The following FGF14 variants were observed in gnomAD, a reference collection of about 807,000 sequenced individuals.
The protein encoded by FGF14 is fibroblast growth factor 14, also known as fibroblast growth factor homologous factor 4.
In FGF14, 5 loss-of-function variants were observed where a neutral mutation model predicts 25.5. The observed-to-expected ratio is 0.20, with a 90% CI of 0.10 to 0.41. FGF14 has a LOEUF of 0.41. Among genes scored for constraint, FGF14 ranks in the 10% least tolerant of loss-of-function variants. The pLI, the probability that FGF14 is intolerant of heterozygous loss-of-function variation, is 1.00. For synonymous variants in FGF14, 138 were observed against 118.3 expected, an observed-to-expected ratio of 1.17 and a Z score of -1.08; for missense variants, 222 against 320.1, an observed-to-expected ratio of 0.69 and a Z score of 2.34.
At chr13:101,835,703 T>C (rs1041127530) in intron 3 of FGF14, among the ~76,000 whole-genome samples, 14 of 151,938 alleles carry the variant, frequency 9.2e-5, no homozygotes, top group Non-Finnish European at 1.5e-5. Flanking sequence ...GTGGAGACAC[T>C]GGCAAGATGG....
chr13:102,329,851 T>G (rs1394416058), intron 1 of FGF14, among the ~76,000 whole-genome samples: 1 of 152,134 alleles, frequency 6.6e-6, no homozygotes, highest in East Asian at 1.9e-4. Context: ...CCCCACCTTA[T>G]GCCCTCACTT....
chr13:101,870,023 C>A (rs1003491505), intron 2 of FGF14, among the ~76,000 whole-genome samples: 1 of 152,072 alleles, frequency 6.6e-6, no homozygotes, highest in Admixed American at 6.6e-5. Context: ...AAACCTCAGG[C>A]CAGAGCCATG....
intron 1 of FGF14, among the ~76,000 whole-genome samples, chr13:102,022,754 C>T (rs2040724344): frequency 6.6e-6 from 1 of 151,990 alleles, no homozygotes; most frequent in Non-Finnish European, 1.5e-5. Flanking sequence ...CCATTTTAAA[C>T]TATAAAAAAG....
Position 102,334,596 on chromosome 13 carries a change from T to TA in FGF14, c.208+66874dup, listed in dbSNP as rs927488644. Among the ~76,000 whole-genome samples the TA allele has an allele frequency of 5.1e-4, 77 of 152,330 alleles. 1 individual carries two copies. The highest frequency in any genetic ancestry group is 1.8e-3 in the African/African-American group (74 of 41,588). On this transcript the variant is annotated intron_variant, in intron 1 of 4. Coordinates refer to the FGF14 transcript ENST00000376131. ...CATTGCACCAAGATTTATGATCTAT[T>TA]ACAAAGAAATGCCAATCACTACAGA...
At chr13:102,176,117 C>T (rs768145072) in intron 1 of FGF14, among the ~76,000 whole-genome samples, 5 of 152,050 alleles carry the variant, frequency 3.3e-5, no homozygotes, top group Non-Finnish European at 7.4e-5. Flanking sequence ...CATGTGCACT[C>T]ATATGTTTAT....
At chr13:102,084,321 T>C (rs1216931711) in intron 1 of FGF14, among the ~76,000 whole-genome samples, 1 of 152,236 alleles carries the variant, frequency 6.6e-6, no homozygotes, top group African/African-American at 2.4e-5. Flanking sequence ...TTTGGTAAGA[T>C]GTTTTGGTCT....
At chr13:102,263,614 G>T (rs542624486) in intron 1 of FGF14, among the ~76,000 whole-genome samples, 1 of 152,064 alleles carries the variant, frequency 6.6e-6, no homozygotes, top group Non-Finnish European at 1.5e-5. Flanking sequence ...TAGGCTCTAC[G>T]TATTTTCATG....
At chr13:102,059,156 T>C (rs2042566415) in intron 1 of FGF14, among the ~76,000 whole-genome samples, 1 of 152,128 alleles carries the variant, frequency 6.6e-6, no homozygotes, top group East Asian at 1.9e-4. Flanking sequence ...TGAATGAGAT[T>C]GAAGAAGGAA....
chr13:102,084,677 G>A (rs910742352), intron 1 of FGF14, among the ~76,000 whole-genome samples: 2 of 152,088 alleles, frequency 1.3e-5, no homozygotes, highest in Non-Finnish European at 2.9e-5. Flanking sequence ...AATCACAGAA[G>A]GAAAAGAATA....
intron 3 of FGF14, among the ~76,000 whole-genome samples, chr13:101,855,642 T>C (rs1029683989): frequency 1.3e-5 from 2 of 151,932 alleles, no homozygotes; most frequent in Non-Finnish European, 2.9e-5. Flanking sequence ...AAAGTTAAAA[T>C]TGCATCATAT....
chr13:101,989,703 A>G (rs1031437864), intron 1 of FGF14, among the ~76,000 whole-genome samples: 3 of 152,164 alleles, frequency 2.0e-5, no homozygotes, highest in Non-Finnish European at 2.9e-5. Flanking sequence ...AAATTAACAA[A>G]TATGTTTTAG....
chr13:101,820,216 G>A (rs1020462561), intron 3 of FGF14, among the ~76,000 whole-genome samples: 121 of 152,144 alleles, frequency 8.0e-4, no homozygotes, highest in African/African-American at 2.9e-3. Context: ...AATAAATGAT[G>A]CTGTGTTCTG....
chr13:101,942,341 A>G (rs1489500734), intron 1 of FGF14, among the ~76,000 whole-genome samples: 4 of 152,224 alleles, frequency 2.6e-5, no homozygotes, highest in Admixed American at 6.5e-5. Flanking sequence ...AGCCTGTAAC[A>G]TAGGCAACTA....
intron 1 of FGF14, among the ~76,000 whole-genome samples, chr13:102,149,972 C>A (rs980003134): frequency 6.6e-6 from 1 of 152,126 alleles, no homozygotes; most frequent in Admixed American, 6.5e-5. Context: ...AGACAAAAAT[C>A]ATTATATATT....
At chr13:102,333,844 C>A (rs771616009) in intron 1 of FGF14, among the ~76,000 whole-genome samples, 2 of 152,112 alleles carry the variant, frequency 1.3e-5, no homozygotes, top group Non-Finnish European at 2.9e-5. Flanking sequence ...GAGAAATCAC[C>A]CAACAGCCAC....
intron 3 of FGF14, among the ~76,000 whole-genome samples, chr13:101,834,765 A>C (rs558102397): frequency 2.3e-4 from 35 of 152,200 alleles, no homozygotes; most frequent in African/African-American, 7.7e-4. Flanking sequence ...GGTGATAAAC[A>C]ACAAATAAAT....
intron 1 of FGF14, among the ~76,000 whole-genome samples, chr13:102,230,594 G>A (rs964827430): frequency 3.3e-5 from 5 of 152,114 alleles, no homozygotes; most frequent in African/African-American, 7.2e-5. Context: ...CTTTGCAGGC[G>A]GTAGCAGGTG....
intron 1 of FGF14, among the ~76,000 whole-genome samples, chr13:102,124,491 T>C (rs1175026360): frequency 6.6e-6 from 1 of 152,080 alleles, no homozygotes; most frequent in Non-Finnish European, 1.5e-5. Flanking sequence ...AAGGCCAATT[T>C]TCTGTAGTAC....
chr13:101,724,704 CATTA>C lies in FGF14; in HGVS notation c.608-1741_608-1738del, dbSNP rs562537961. 1.9e-4 allele frequency among the ~76,000 whole-genome samples: 28 copies of C among 145,918 alleles called. No individual in the cohort carries two copies. The South Asian group carries it at 5.0e-3, about 26-fold the overall frequency. On this transcript the variant is annotated intron_variant, in intron 4 of 4. Coordinates refer to ENST00000376143, the MANE Select transcript of FGF14 (RefSeq NM_004115.4). ...TTAATTTGTCAAACATTTCCAATAACATTATTTATATTCGGTATGGGTTTTGAAA... is the reference window on the plus strand; with the variant it reads ...TTAATTTGTCAAACATTTCCAATAACTTTATATTCGGTATGGGTTTTGAAA...
Sources: allele counts gnomAD v4.1 joint callset (sites outside exome capture counted in the v4.1 genomes callset), GRCh38; gene constraint gnomAD v4.1.1; transcripts MANE v1.5; gene names NCBI Gene and HGNC (gene_info 2026-07-23, HGNC 2026-07-21).